TEAD1: variants seen among roughly 807,000 people sequenced by gnomAD.
TEAD1 encodes transcriptional enhancer factor TEF-1.
In TEAD1, 9 loss-of-function variants were observed where a neutral mutation model predicts 54.9. That is an observed-to-expected ratio of 0.16 (90% CI 0.10 to 0.29). TEAD1 has a LOEUF of 0.29. TEAD1 is among the 10% of genes least tolerant of loss of function. The pLI is 1.00. For synonymous variants in TEAD1, 200 were observed against 187.8 expected, an observed-to-expected ratio of 1.07 and a Z score of -0.53; for missense variants, 387 against 535.9, an observed-to-expected ratio of 0.72 and a Z score of 2.74.
intron 10 of TEAD1, among the ~76,000 whole-genome samples, chr11:12,923,243 C>CCT (rs200647540): frequency 6.6e-6 from 1 of 152,056 alleles, no homozygotes; most frequent in Non-Finnish European, 1.5e-5. Flanking sequence ...CTCCTGCCAT[C>CCT]CTCTCTCTCT....
intron 3 of TEAD1, among the ~76,000 whole-genome samples, chr11:12,830,557 C>T (rs1213212165): frequency 2.0e-5 from 3 of 152,222 alleles, no homozygotes; most frequent in African/African-American, 4.8e-5. Context: ...CCTCCCCACA[C>T]GACACAGCCC....
chr11:12,694,505 A>G (rs551475992), intron 2 of TEAD1, among the ~76,000 whole-genome samples: 2 of 152,194 alleles, frequency 1.3e-5, no homozygotes, highest in South Asian at 4.2e-4. Context: ...TAAGGGAGAA[A>G]CACGAAGTTG....
chr11:12,854,242 T>G (rs1947328848), intron 3 of TEAD1, among the ~76,000 whole-genome samples: 1 of 152,164 alleles, frequency 6.6e-6, no homozygotes, highest in Admixed American at 6.5e-5. Context: ...TCTTAGCCTG[T>G]GCCCCTTCTC....
intron 10 of TEAD1, among the ~76,000 whole-genome samples, chr11:12,921,993 T>C (rs1399661613): frequency 6.6e-6 from 1 of 152,216 alleles, no homozygotes; most frequent in Non-Finnish European, 1.5e-5. Context: ...TGAGGAAAGC[T>C]CACTACATTT....
chr11:12,764,079 A>G, intron 2 of TEAD1, 100 bp from the exon 3 acceptor site: 1 of 742,224 alleles, frequency 1.3e-6, no homozygotes, highest in East Asian at 2.7e-5. Flanking sequence ...ATAAAATGAA[A>G]TGAAAAAAGC....
intron 3 of TEAD1, among the ~76,000 whole-genome samples, chr11:12,814,045 A>G (rs1946362926): frequency 6.6e-6 from 1 of 152,138 alleles, no homozygotes; most frequent in African/African-American, 2.4e-5. Context: ...CTGGACACAA[A>G]CAAGCTGTTC....
In TEAD1 at chr11:12,784,852, G is replaced by T. The variant is rs80104048; in HGVS notation, c.202+20418G>T. 8.4e-3 allele frequency among the ~76,000 whole-genome samples: 1,276 copies of T among 152,284 alleles called. 21 individuals carry two copies. The highest frequency in any genetic ancestry group is 0.029 in the African/African-American group (1,219 of 41,540). ...TTGCTGAGCTCCGTTTGGAGTTTCA[G>T]TTGCAAGGCTTTAGCCACCCATGTT... On this transcript the variant is annotated intron_variant, in intron 3 of 12. Transcript: ENST00000527636.
chr11:12,840,508 A>G (rs1459577253), intron 3 of TEAD1, among the ~76,000 whole-genome samples: 1 of 152,156 alleles, frequency 6.6e-6, no homozygotes, highest in Non-Finnish European at 1.5e-5. Context: ...TTTCTGCGTA[A>G]TAGTCTTTCA....
intron 3 of TEAD1, among the ~76,000 whole-genome samples, chr11:12,806,305 A>G (rs966901076): frequency 6.6e-6 from 1 of 152,162 alleles, no homozygotes; most frequent in Non-Finnish European, 1.5e-5. Context: ...CCTCCTGCTA[A>G]CAGCTGTTCC....
chr11:12,817,980 A>G (rs10466408), intron 3 of TEAD1, among the ~76,000 whole-genome samples: 12,460 of 152,320 alleles, frequency 0.082, 735 homozygotes, highest in South Asian at 0.22. Flanking sequence ...TTATAATGAC[A>G]TGGGGTATAT....
At chr11:12,842,498 C>T (rs905390158) in intron 3 of TEAD1, among the ~76,000 whole-genome samples, 4 of 152,176 alleles carry the variant, frequency 2.6e-5, no homozygotes, top group African/African-American at 9.7e-5. Flanking sequence ...TCCGGAGATA[C>T]TCTTAGCCTG....
At chr11:12,790,858 A>G (rs1269874599) in intron 3 of TEAD1, among the ~76,000 whole-genome samples, 1 of 152,226 alleles carries the variant, frequency 6.6e-6, no homozygotes. Flanking sequence ...AAAGACAATA[A>G]CAAGTGTTGG....
intron 3 of TEAD1, among the ~76,000 whole-genome samples, chr11:12,838,626 C>T (rs1819292123): frequency 6.6e-6 from 1 of 152,186 alleles, no homozygotes; most frequent in African/African-American, 2.4e-5. Context: ...ATGAGCACTG[C>T]TTCAGAGTCA....
At chr11:12,860,161 C>G (rs1253960665) in intron 3 of TEAD1, among the ~76,000 whole-genome samples, 1 of 152,114 alleles carries the variant, frequency 6.6e-6, no homozygotes, top group African/African-American at 2.4e-5. Context: ...CTGTTAATAT[C>G]TGAAAGGCAG....
intron 3 of TEAD1, among the ~76,000 whole-genome samples, chr11:12,794,525 T>G (rs1945872380): frequency 6.6e-6 from 1 of 152,232 alleles, no homozygotes; most frequent in Non-Finnish European, 1.5e-5. Flanking sequence ...TGTGACAGCC[T>G]GTCTAGGTGA....
At chr11:12,841,722 G>T (rs1293543118) in intron 3 of TEAD1, among the ~76,000 whole-genome samples, 1 of 152,178 alleles carries the variant, frequency 6.6e-6, no homozygotes, top group African/African-American at 2.4e-5. Context: ...GTGCTTTCTG[G>T]TGTTCTCTGC....
chr11:12,775,090 C>T (rs73423638), intron 3 of TEAD1, among the ~76,000 whole-genome samples: 5,257 of 152,190 alleles, frequency 0.035, 328 homozygotes, highest in African/African-American at 0.12. Flanking sequence ...CTGTTCAGGA[C>T]TTGTTGGAAA....
At chr11:12,798,863 CAGTGCTG>C (rs2133972788) in intron 3 of TEAD1, among the ~76,000 whole-genome samples, 1 of 152,334 alleles carries the variant, frequency 6.6e-6, no homozygotes, top group South Asian at 2.1e-4. Context: ...ATGAGGGAAG[CAGTGCTG>C]TTCTAGGCTC....
At chr11:12,877,191 C>T (rs898859738) in intron 5 of TEAD1, among the ~76,000 whole-genome samples, 2 of 152,240 alleles carry the variant, frequency 1.3e-5, no homozygotes, top group East Asian at 1.9e-4. Flanking sequence ...TCACTCTGGC[C>T]GTTCTTTTGA....
Sources: gnomAD v4.1 joint callset for allele counts (sites outside exome capture counted in the v4.1 genomes callset) on GRCh38, gnomAD v4.1.1 for gene constraint, MANE v1.5 for transcripts, NCBI Gene and HGNC (gene_info 2026-07-23, HGNC 2026-07-21) for gene names.